The following ANXA7 variants were observed in gnomAD, a reference collection of about 807,000 sequenced individuals.
ANXA7 encodes the protein annexin A7.
ANXA7 carries 55 observed loss-of-function variants against 64.9 expected under a neutral mutation model. The ratio of observed to expected loss-of-function variants is 0.85; its 90% CI spans 0.68 to 1.06. The LOEUF is 1.06. Among genes scored for constraint, ANXA7 ranks in the 50% least tolerant of loss-of-function variants. The probability of loss-of-function intolerance (pLI) is 0.00; values close to 1 mark genes in which losing one functional copy is unlikely to be tolerated. For synonymous variants in ANXA7, 200 were observed against 192.4 expected (o/e 1.04, Z -0.33); for missense variants, 548 against 582.1 (o/e 0.94, Z 0.60).
At position 73,414,051 on chromosome 10, in the gene ANXA7, C is replaced by G. The variant is rs952549690; in HGVS notation, c.-41G>C. The G allele has an allele frequency of 2.0e-5, 3 of 152,280 alleles. No individual in the cohort carries two copies. Among genetic ancestry groups the G allele is most frequent in the African/African-American group, 2.4e-5 (1 of 41,446 alleles). The allele number at this position is 152,280 out of a possible 1,614,324, so 9.4% of individuals were successfully genotyped here. A position where few individuals can be genotyped will look rare whatever the true frequency, so the allele number is the denominator to read the frequency against. ...AGCGTCACAGCCCAACCCGGTCTCC[C>G]GCAAGATGGAGCCGGGGGCGGGCCC... On this transcript the variant is annotated 5_prime_UTR_variant, in exon 1 of 13. Transcript: ENST00000372921.
At chr10:73,396,390 G>C in intron 5 of ANXA7, 129 bp downstream of exon 5, 1 of 702,356 alleles carries the variant, frequency 1.4e-6, no homozygotes, top group Non-Finnish European at 2.5e-6. Flanking sequence ...GAGTCTATCA[G>C]AAGTAAAGAC....
chr10:73,406,037 C>A (rs535816832), intron 1 of ANXA7, among the ~76,000 whole-genome samples: 1 of 152,102 alleles, frequency 6.6e-6, no homozygotes, highest in African/African-American at 2.4e-5. Context: ...CTCACTGCAG[C>A]TTCCACCTCC....
chr10:73,405,739 T>C (rs1033224466), intron 1 of ANXA7, among the ~76,000 whole-genome samples: 1 of 152,312 alleles, frequency 6.6e-6, no homozygotes, highest in Non-Finnish European at 1.5e-5. Flanking sequence ...CAATGTTATT[T>C]GCAAGGCAAA....
intron 12 of ANXA7, chr10:73,377,400 T>C (rs2132646151): frequency 6.6e-6 from 1 of 151,526 alleles, no homozygotes; most frequent in East Asian, 1.9e-4. Context: ...AAACCCAGTC[T>C]CTACTAAAAA....
intron 1 of ANXA7, among the ~76,000 whole-genome samples, chr10:73,413,402 C>A (rs568259813): frequency 6.6e-6 from 1 of 152,216 alleles, no homozygotes; most frequent in East Asian, 1.9e-4. Context: ...CCATCTACCT[C>A]TGCACCTTGG....
intron 9 of ANXA7, among the ~76,000 whole-genome samples, chr10:73,380,421 G>A (rs940921677): frequency 6.6e-6 from 1 of 151,752 alleles, no homozygotes; most frequent in East Asian, 1.9e-4. Context: ...AGGCACAAAC[G>A]ACCATGCCTG....
At chr10:73,376,855 T>A (rs1303642906) in intron 12 of ANXA7, among the ~76,000 whole-genome samples, 1 of 151,948 alleles carries the variant, frequency 6.6e-6, no homozygotes, top group Non-Finnish European at 1.5e-5. Context: ...AATTCTGACA[T>A]GCTATAACAT....
rs1008027431 is a variant in ANXA7, at chr10:73,388,224, A to C, written c.538+88T>G. 1.6e-5 allele frequency: 15 copies of C among 943,358 alleles called. No homozygotes were observed. In the African/African-American group the frequency reaches 2.5e-4, roughly 16 times the overall value. 58.4% of individuals were successfully genotyped at this position (943,358 alleles called of 1,614,324 possible). A position where few individuals can be genotyped will look rare whatever the true frequency, so the allele number is the denominator to read the frequency against. On this transcript the variant is annotated intron_variant, in intron 6 of 12. Coordinates refer to ENST00000372921, the MANE Select transcript of ANXA7 (RefSeq NM_001156.5). ...GGTATGCGCACCCAGGCTGACACAT[A>C]AACTTGGGTTTATGAGATAAGGTTT...
rs184949843 is a variant in ANXA7, at chr10:73,383,793, A to G, written c.634-103T>C. Reference sequence around the variant, plus strand: ...AAAAGAAATGGAATTGCTTTATAAAAACCTAAATTTGAAAGCTGAATGTTA... The same window carrying G: ...AAAAGAAATGGAATTGCTTTATAAAGACCTAAATTTGAAAGCTGAATGTTA... On this transcript the variant is annotated intron_variant, in intron 7 of 12. Transcript: ENST00000372921. 5.4e-4 allele frequency: 431 copies of G among 797,762 alleles called. 3 individuals carry two copies. The African/African-American group carries it at 6.5e-3, about 12-fold the overall frequency. The allele number at this position is 797,762 out of a possible 1,614,324, so 49.4% of individuals were successfully genotyped here. A position where few individuals can be genotyped will look rare whatever the true frequency, so the allele number is the denominator to read the frequency against.
chr10:73,393,510 G>C (rs2055519708), intron 5 of ANXA7, among the ~76,000 whole-genome samples: 1 of 152,080 alleles, frequency 6.6e-6, no homozygotes, highest in Admixed American at 6.6e-5. Context: ...CCAAAACAGA[G>C]ATATAGACCA....
chr10:73,410,939 T>C (rs2055829383), intron 1 of ANXA7, among the ~76,000 whole-genome samples: 1 of 152,156 alleles, frequency 6.6e-6, no homozygotes, highest in Non-Finnish European at 1.5e-5. Context: ...GAAATTCCAC[T>C]GCTGGGTATC....
intron 1 of ANXA7, among the ~76,000 whole-genome samples, chr10:73,404,555 G>A (rs1266949262): frequency 6.6e-6 from 1 of 152,088 alleles, no homozygotes; most frequent in Non-Finnish European, 1.5e-5. Context: ...ATATAATATA[G>A]TGCAGGAATT....
chr10:73,382,024 GCCA>G (rs2055284316), intron 9 of ANXA7, among the ~76,000 whole-genome samples: 1 of 152,052 alleles, frequency 6.6e-6, no homozygotes, highest in South Asian at 2.1e-4. Context: ...GATTACAGGT[GCCA>G]CCACTCCTGG....
intron 5 of ANXA7, among the ~76,000 whole-genome samples, chr10:73,390,435 G>A (rs1171449980): frequency 6.6e-6 from 1 of 152,102 alleles, no homozygotes; most frequent in Non-Finnish European, 1.5e-5. Flanking sequence ...AGCTAGGGCT[G>A]TAAGCAGAGA....
At chr10:73,402,627 T>C (rs185063255) in intron 1 of ANXA7, among the ~76,000 whole-genome samples, 375 of 152,352 alleles carry the variant, frequency 2.5e-3, no homozygotes, top group African/African-American at 8.5e-3. Context: ...TTTGTAATTA[T>C]GTAAAACATT....
intron 7 of ANXA7, 130 bp from the exon 8 acceptor site, chr10:73,383,820 T>C: frequency 1.5e-6 from 1 of 677,112 alleles, no homozygotes; most frequent in Non-Finnish European, 2.6e-6. Flanking sequence ...TGAATGTTAA[T>C]ATACTAAGAA....
chr10:73,407,732 A>T (rs77561916), intron 1 of ANXA7, among the ~76,000 whole-genome samples: 7,078 of 152,286 alleles, frequency 0.046, 503 homozygotes, highest in African/African-American at 0.15. Flanking sequence ...GTATTCAGCC[A>T]TTTGAGTACA....
chr10:73,398,076 C>T (rs1416304342), intron 3 of ANXA7, 105 bp downstream of exon 3: 6 of 1,153,856 alleles, frequency 5.2e-6, no homozygotes, highest in East Asian at 2.6e-5. Flanking sequence ...TACCTAAGAG[C>T]GACTTGACCT....
At chr10:73,396,973 TTATCTC>T (rs1307084770) in intron 4 of ANXA7, among the ~76,000 whole-genome samples, 185 bp downstream of exon 4, 1 of 152,184 alleles carries the variant, frequency 6.6e-6, no homozygotes, top group Non-Finnish European at 1.5e-5. Flanking sequence ...AAGTGTGACT[TTATCTC>T]TATTTTACTG....
Sources: gnomAD v4.1 joint callset for allele counts (sites outside exome capture counted in the v4.1 genomes callset) on GRCh38, gnomAD v4.1.1 for gene constraint, MANE v1.5 for transcripts, NCBI Gene and HGNC (gene_info 2026-07-23, HGNC 2026-07-21) for gene names.